Variants in MAP3K15 observed in about 807,000 individuals in gnomAD.
The protein encoded by MAP3K15 is MAPK/ERK kinase kinase 15.
Under a neutral mutation model 99.5 loss-of-function variants are expected in MAP3K15, and 124 were observed. The observed-to-expected ratio is 1.25, with a 90% confidence interval of 1.08 to 1.45. The LOEUF (loss-of-function observed/expected upper bound fraction) is 1.45, where lower values mean the gene tolerates loss of function less well. Among genes scored for constraint, MAP3K15 ranks in the 40% most tolerant of loss-of-function variants. MAP3K15 has a pLI of 0.00. For missense variants in MAP3K15, 1,242 were observed against 1,079.7 expected, an observed-to-expected ratio of 1.15 and a Z score of -2.11; for synonymous variants, 494 against 439.6, an observed-to-expected ratio of 1.12 and a Z score of -1.55.
chrX:19,456,290 C>A (rs767969963), intron 6 of MAP3K15, among the ~76,000 whole-genome samples: 1 of 112,099 alleles, frequency 8.9e-6, no homozygotes, highest in East Asian at 2.8e-4. Flanking sequence ...CCAAGGACTA[C>A]GCGACGGCAA....
At chrX:19,375,808 C>A (rs2063412961) in intron 19 of MAP3K15, among the ~76,000 whole-genome samples, 1 of 112,414 alleles carries the variant, frequency 8.9e-6, no homozygotes, top group African/African-American at 3.2e-5. Flanking sequence ...GCAGTCACGG[C>A]CATGTGCTGT....
chrX:19,432,116 C>T (rs1442676618), intron 6 of MAP3K15, among the ~76,000 whole-genome samples: 1 of 110,555 alleles, frequency 9.0e-6, no homozygotes, highest in East Asian at 2.8e-4. Context: ...TATACAATTA[C>T]ACTCAGTCCC....
chrX:19,390,618 C>T (rs1330935162), intron 18 of MAP3K15, among the ~76,000 whole-genome samples: 1 of 106,058 alleles, frequency 9.4e-6, no homozygotes, highest in Non-Finnish European at 1.9e-5. Context: ...CCCTATGTTG[C>T]GCAGGCTGGT....
At chrX:19,365,077 G>A (rs1324365719) in intron 25 of MAP3K15, among the ~76,000 whole-genome samples, 16 of 108,542 alleles carry the variant, frequency 1.5e-4, no homozygotes, top group African/African-American at 5.1e-4. Context: ...GGTGGCGTGC[G>A]CCTGTAATCC....
At chrX:19,484,169 G>C (rs2064308972) in intron 3 of MAP3K15, among the ~76,000 whole-genome samples, 1 of 111,997 alleles carries the variant, frequency 8.9e-6, no homozygotes, top group Non-Finnish European at 1.9e-5. Flanking sequence ...TTAGGAACCA[G>C]GCCACATAGC....
chrX:19,413,441 T>G lies in MAP3K15; in HGVS notation c.1614A>C (p.Lys538Asn), dbSNP rs2063705523. Residue 538 changes from lysine (K) to asparagine (N), a missense_variant, in exon 11 of 29, where the codon AAA becomes AAC. Transcript: ENST00000338883. ...TGGAAACATAAGAAGGCTGGTACAC[T>G]TTGGTTGGCTCTATGACCAGAACCT... Reference protein sequence around the residue: ...RFPVLVIEPTKVYQPSYVSIN... With the variant: ...RFPVLVIEPTNVYQPSYVSIN... 2.5e-6 allele frequency: 3 copies of G among 1,206,602 alleles called. No individual in the cohort carries two copies. In the South Asian group the frequency reaches 5.3e-5, roughly 21 times the overall value.
chrX:19,426,397 A>G (rs2063830349), intron 7 of MAP3K15, 54 bp from the exon 8 acceptor site: 2 of 750,592 alleles, frequency 2.7e-6, no homozygotes, highest in African/African-American at 2.2e-5. Context: ...AAATGTTTAA[A>G]TAATGGTATA....
intron 3 of MAP3K15, among the ~76,000 whole-genome samples, chrX:19,472,014 A>T (rs756648750): frequency 9.0e-4 from 100 of 111,112 alleles, no homozygotes; most frequent in African/African-American, 3.0e-3. Flanking sequence ...CGAGGCCAGG[A>T]GATTGAGACC....
intron 13 of MAP3K15, among the ~76,000 whole-genome samples, chrX:19,404,030 T>C (rs1397526947): frequency 1.8e-5 from 2 of 111,484 alleles, no homozygotes; most frequent in African/African-American, 3.3e-5. Flanking sequence ...CTAGGATAAT[T>C]AGGCAAGGAA....
At chrX:19,371,198 C>T in intron 23 of MAP3K15, 134 bp from the exon 24 acceptor site, 1 of 810,858 alleles carries the variant, frequency 1.2e-6, no homozygotes, top group African/African-American at 2.1e-5. Context: ...CACCCAGATG[C>T]CATTTCCTGG....
intron 9 of MAP3K15, among the ~76,000 whole-genome samples, chrX:19,423,755 T>G (rs1206274230): frequency 1.3e-4 from 15 of 111,688 alleles, no homozygotes; most frequent in East Asian, 1.1e-3. Context: ...GCATCTCTGT[T>G]TATCTGGGAC....
At position 19,415,227 on chromosome X, in the gene MAP3K15, T is replaced by C. The variant is rs765277581; in HGVS notation, c.1470A>G (p.Leu490=). 27 of 1,178,850 alleles carry C rather than the reference T, an allele frequency of 2.3e-5. No homozygotes were observed. Among genetic ancestry groups the C allele is most frequent in the Non-Finnish European group, 6.8e-6 (6 of 884,958 alleles). ...WYLRSLVQNL[L]LIRRFKKTII... Reference sequence around the variant, plus strand: ...TGGTTTTCTTGAAGCGCCGAATTAGTAACAAGTTCTGAACTAATGATCGCA... The same window carrying C: ...TGGTTTTCTTGAAGCGCCGAATTAGCAACAAGTTCTGAACTAATGATCGCA... The change falls in exon 10 of 29, where the codon TTA becomes TTG. Residue 490 remains leucine, a synonymous_variant. Coordinates refer to ENST00000338883, the MANE Select transcript of MAP3K15 (RefSeq NM_001001671.4).
Position 19,366,547 on chromosome X carries a change from G to A in MAP3K15, c.3566+2507C>T, listed in dbSNP as rs144095134. On this transcript the variant is annotated intron_variant, in intron 25 of 28. Transcript: ENST00000338883. ...TGGTTTCCCCCATACTGTTCTCATGGTACTGAATAAGTCTCATGAGATCTG... is the reference window on the plus strand; with the variant it reads ...TGGTTTCCCCCATACTGTTCTCATGATACTGAATAAGTCTCATGAGATCTG... Among the ~76,000 whole-genome samples, 197 of 111,701 alleles carry A rather than the reference G, an allele frequency of 1.8e-3. 3 individuals carry two copies. Among genetic ancestry groups the A allele is most frequent in the Middle Eastern group, 0.014 (3 of 217 alleles).
In MAP3K15 at chrX:19,360,119, G is replaced by T. The variant is rs183744566; in HGVS notation, c.*630C>A. The T allele has an allele frequency of 4.9e-4, 75 of 152,613 alleles. No homozygotes were observed. The highest frequency in any genetic ancestry group is 7.6e-4 in the Non-Finnish European group (60 of 79,287). The allele number at this position is 152,613 out of a possible 1,213,427, so 12.6% of individuals were successfully genotyped here. The stretch of plus-strand genomic sequence containing the variant: ...AGTTCCATTTTAAAATAAGACTTTT[G>T]TAATCATTCCAATTTTGTAATCATT... On this transcript the variant is annotated 3_prime_UTR_variant, in exon 29 of 29. Transcript: ENST00000338883.
In MAP3K15 at chrX:19,360,687, C is replaced by G; in HGVS notation, c.*62G>C. On this transcript the variant is annotated 3_prime_UTR_variant, in exon 29 of 29. Transcript: ENST00000338883. ...ACAGCGGAATTCGTGTATACACTAA[C>G]AGAAGCTTTAACAAAACATGTAGCG... The G allele has an allele frequency of 3.3e-6, 3 of 897,696 alleles. No individual in the cohort carries two copies. The highest frequency in any genetic ancestry group is 2.0e-5 in the African/African-American group (1 of 51,134). 74.0% of individuals were successfully genotyped at this position (897,696 alleles called of 1,213,427 possible).
Position 19,370,940 on chromosome X carries a change from C to T in MAP3K15, c.3400+19G>A, listed in dbSNP as rs368230655. 2 of 1,144,223 alleles carry T rather than the reference C, an allele frequency of 1.7e-6. No individual in the cohort carries two copies. The highest frequency in any genetic ancestry group is 2.4e-6 in the Non-Finnish European group (2 of 841,304). The allele number at this position is 1,144,223 out of a possible 1,213,427, so 94.3% of individuals were successfully genotyped here. A position where few individuals can be genotyped will look rare whatever the true frequency, so the allele number is the denominator to read the frequency against. On this transcript the variant is annotated intron_variant, in intron 24 of 28. Transcript: ENST00000338883. ...TTTCACGGCCTAAAGCTGACCTTGA[C>T]CACAAAGGGGGCGCTCACCTGGGAT...
intron 26 of MAP3K15, 158 bp from the exon 27 acceptor site, chrX:19,361,751 T>G: frequency 2.6e-6 from 1 of 385,281 alleles, no homozygotes; most frequent in Non-Finnish European, 4.4e-6. Context: ...ATTACACAAT[T>G]CATAATTCTG....
chrX:19,416,584 G>A (rs1485215493), intron 9 of MAP3K15, among the ~76,000 whole-genome samples: 1 of 111,596 alleles, frequency 9.0e-6, no homozygotes, highest in African/African-American at 3.3e-5. Flanking sequence ...AGAAAAAGTT[G>A]AATTGCTTGA....
chrX:19,409,114 A>C (rs2084046863), intron 12 of MAP3K15, among the ~76,000 whole-genome samples: 1 of 111,415 alleles, frequency 9.0e-6, no homozygotes, highest in Non-Finnish European at 1.9e-5. Context: ...CTTTTAAGTG[A>C]TGTTGATGGT....
Sources: gnomAD v4.1 joint callset for allele counts (sites outside exome capture counted in the v4.1 genomes callset) on GRCh38, gnomAD v4.1.1 for gene constraint, MANE v1.5 for transcripts, NCBI Gene and HGNC (gene_info 2026-07-23, HGNC 2026-07-21) for gene names.